Variants in IGBP1C observed in about 807,000 individuals in gnomAD.
IGBP1C encodes the protein immunoglobulin-binding protein 1 family member C.
the IGBP1C span, among the ~76,000 whole-genome samples, chr17:58,671,751 G>A: frequency 6.6e-6 from 1 of 152,022 alleles, no homozygotes; most frequent in East Asian, 1.9e-4. Flanking sequence ...TCGTTTTCTT[G>A]TTCTATTTTC....
chr17:58,673,298 G>A, the IGBP1C span, among the ~76,000 whole-genome samples: 1 of 151,424 alleles, frequency 6.6e-6, no homozygotes, highest in Non-Finnish European at 1.5e-5. Flanking sequence ...GGCCAATATG[G>A]CGAAACCATA....
At chr17:58,680,650 C>T in the IGBP1C span, among the ~76,000 whole-genome samples, 1 of 151,988 alleles carries the variant, frequency 6.6e-6, no homozygotes, top group Non-Finnish European at 1.5e-5. Flanking sequence ...GCAGGAGAAC[C>T]TCTTGAACCT....
chr17:58,687,688 T>C, the IGBP1C span, among the ~76,000 whole-genome samples: 1 of 151,986 alleles, frequency 6.6e-6, no homozygotes, highest in Non-Finnish European at 1.5e-5. Flanking sequence ...AATAAACTTC[T>C]CCCCAGCTAT....
the IGBP1C span, among the ~76,000 whole-genome samples, chr17:58,687,080 C>T: frequency 6.6e-6 from 1 of 151,868 alleles, no homozygotes; most frequent in Non-Finnish European, 1.5e-5. Context: ...CAGCATTCCA[C>T]TGGAGGCTCT....
the IGBP1C span, among the ~76,000 whole-genome samples, chr17:58,665,698 C>T: frequency 1.6e-3 from 249 of 151,842 alleles, 2 homozygotes; most frequent in African/African-American, 5.4e-3. Context: ...CAGTAAGCAA[C>T]GGTAACAACC....
At chr17:58,678,136 C>T in the IGBP1C span, among the ~76,000 whole-genome samples, 2 of 151,844 alleles carry the variant, frequency 1.3e-5, no homozygotes, top group African/African-American at 4.8e-5. Flanking sequence ...GGCGACAGAG[C>T]GAGACTCCAA....
At chr17:58,678,255 A>T in the IGBP1C span, among the ~76,000 whole-genome samples, 22,527 of 152,206 alleles carry the variant, frequency 0.15, 2,026 homozygotes, top group Non-Finnish European at 0.19. Context: ...AGGACACTGG[A>T]AGACAGTGTG....
chr17:58,661,403 C>T, the IGBP1C span: 7 of 863,578 alleles, frequency 8.1e-6, no homozygotes, highest in East Asian at 2.4e-5. Context: ...ATCTTCATTT[C>T]GGCTGAACAA....
the IGBP1C span, among the ~76,000 whole-genome samples, chr17:58,671,146 T>C: frequency 6.6e-6 from 1 of 152,220 alleles, no homozygotes; most frequent in Non-Finnish European, 1.5e-5. Flanking sequence ...CAGATCTGTC[T>C]TCACTAATTC....
the IGBP1C span, among the ~76,000 whole-genome samples, chr17:58,670,424 T>C: frequency 4.5e-4 from 64 of 143,244 alleles, no homozygotes; most frequent in African/African-American, 1.6e-3. Context: ...TTGGGAAGAT[T>C]AAAAAAAAAA....
chr17:58,691,092 G>A, the IGBP1C span, among the ~76,000 whole-genome samples: 1 of 151,962 alleles, frequency 6.6e-6, no homozygotes, highest in South Asian at 2.1e-4. Context: ...TGAGCTCAAA[G>A]AGATCCACCT....
the IGBP1C span, among the ~76,000 whole-genome samples, chr17:58,665,269 A>G: frequency 3.3e-5 from 5 of 151,728 alleles, no homozygotes; most frequent in African/African-American, 1.2e-4. Flanking sequence ...TGGGATTACA[A>G]GCATGAGTCA....
chr17:58,682,804 G>C, the IGBP1C span, among the ~76,000 whole-genome samples: 674 of 152,248 alleles, frequency 4.4e-3, 3 homozygotes, highest in African/African-American at 0.015. Flanking sequence ...TAGGCAAAAA[G>C]ATGTCTGTCC....
the IGBP1C span, chr17:58,691,877 C>T: frequency 4.6e-5 from 7 of 152,220 alleles, no homozygotes; most frequent in African/African-American, 1.7e-4. Context: ...TTGTGTAGCC[C>T]AGCCCCTCCT....
At chr17:58,683,944 C>T in the IGBP1C span, among the ~76,000 whole-genome samples, 1 of 125,442 alleles carries the variant, frequency 8.0e-6, no homozygotes, top group Non-Finnish European at 1.7e-5. Flanking sequence ...GCATCCCTGT[C>T]ATCCCAGCTA....
chr17:58,662,858 G>A, the IGBP1C span, among the ~76,000 whole-genome samples: 4 of 152,008 alleles, frequency 2.6e-5, no homozygotes, highest in African/African-American at 4.8e-5. Flanking sequence ...GGTGGCTCAC[G>A]CTTGTAATCC....
the IGBP1C span, among the ~76,000 whole-genome samples, chr17:58,665,920 G>C: frequency 6.6e-6 from 1 of 151,884 alleles, no homozygotes; most frequent in East Asian, 2.0e-4. Flanking sequence ...GGTGGCGGGT[G>C]CCTGTATTCC....
At chr17:58,661,674 A>C in the IGBP1C span, 3 of 614,248 alleles carry the variant, frequency 4.9e-6, no homozygotes, top group Non-Finnish European at 8.7e-6. Context: ...TAGATTTCTA[A>C]CAACCAGTCT....
the IGBP1C span, chr17:58,692,022 A>G: frequency 6.6e-6 from 1 of 151,760 alleles, no homozygotes; most frequent in Non-Finnish European, 1.5e-5. Context: ...GACTCCCGGG[A>G]AGACGTGGGT....
Sources: allele counts gnomAD v4.1 joint callset (sites outside exome capture counted in the v4.1 genomes callset), GRCh38; gene constraint gnomAD v4.1.1; transcripts MANE v1.5; gene names NCBI Gene and HGNC (gene_info 2026-07-23, HGNC 2026-07-21).